The following SLC12A5 variants were observed in gnomAD, a reference collection of about 807,000 sequenced individuals.
SLC12A5 encodes K-Cl cotransporter 2.
Under a neutral mutation model 124.0 loss-of-function variants are expected in SLC12A5, and 18 were observed. The ratio of observed to expected loss-of-function variants is 0.15; its 90% CI spans 0.10 to 0.22. The LOEUF is 0.22. Ranked by LOEUF, SLC12A5 falls within the 10% of genes least tolerant of loss-of-function variation. SLC12A5 has a pLI of 1.00. For missense variants in SLC12A5, 867 were observed against 1,478.7 expected (o/e 0.59, Z 6.78); for synonymous variants, 589 against 568.0 (o/e 1.04, Z -0.53).
intron 9 of SLC12A5, 87 bp from the exon 10 acceptor site, chr20:46,043,546 C>A: frequency 7.1e-7 from 1 of 1,402,310 alleles, no homozygotes; most frequent in Admixed American, 1.7e-5. Flanking sequence ...CCCAGACTCA[C>A]TGACCCTGAG....
intron 4 of SLC12A5, chr20:46,036,475 C>G: frequency 2.5e-6 from 1 of 393,748 alleles, no homozygotes; most frequent in Non-Finnish European, 4.8e-6. Context: ...TGTCTCAGGT[C>G]AGGCAGCTGG....
chr20:46,042,584 A>T (rs887840862), intron 8 of SLC12A5, among the ~76,000 whole-genome samples: 1 of 152,136 alleles, frequency 6.6e-6, no homozygotes, highest in Non-Finnish European at 1.5e-5. Context: ...GCTGCTAAAC[A>T]TCCTACAATG....
At chr20:46,046,546 G>A (rs957666827) in intron 14 of SLC12A5, 110 bp downstream of exon 14, 1 of 884,168 alleles carries the variant, frequency 1.1e-6, no homozygotes, top group Non-Finnish European at 1.8e-6. Context: ...AACCTGAAGA[G>A]GACATCCTTT....
At position 46,043,928 on chromosome 20, in the gene SLC12A5, G is replaced by A. The variant is rs761951954; in HGVS notation, c.1389G>A (p.Arg463=). The stretch of plus-strand genomic sequence containing the variant: ...CCTGCATTGAGGGGGTCGTCCTGCG[G>A]GACAAGTAAGATAATTGGGGTTGAT... ...FGACIEGVVL[R]DKFGEAVNGN... Residue 463 remains arginine (R), a synonymous_variant, in exon 11 of 26, where the codon CGG becomes CGA. Coordinates refer to ENST00000243964, the MANE Select transcript of SLC12A5 (RefSeq NM_020708.5). The A allele has an allele frequency of 6.2e-7, 1 of 1,602,486 alleles. No individual in the cohort carries two copies. The highest frequency in any genetic ancestry group is 8.5e-7 in the Non-Finnish European group (1 of 1,174,216).
At chr20:46,046,608 C>G (rs577850774) in intron 14 of SLC12A5, among the ~76,000 whole-genome samples, 172 bp downstream of exon 14, 1 of 152,326 alleles carries the variant, frequency 6.6e-6, no homozygotes, top group South Asian at 2.1e-4. Context: ...CCGAGAGGGT[C>G]TCCTAACAAT....
chr20:46,022,116 G>A (rs1402923993), intron 1 of SLC12A5: 2 of 345,348 alleles, frequency 5.8e-6, no homozygotes, highest in Non-Finnish European at 1.0e-5. Context: ...GGCCACGAGG[G>A]AAAGGGGTGG....
At chr20:46,041,176 A>T (rs1048133851) in intron 7 of SLC12A5, 153 bp from the exon 8 acceptor site, 30 of 655,072 alleles carry the variant, frequency 4.6e-5, no homozygotes, top group Non-Finnish European at 7.2e-5. Context: ...AAAAAAAAAA[A>T]AGCCAATGGC....
rs1385126767 is a variant in SLC12A5 at position 46,053,358 on chromosome 20, T to C, written c.2548-220T>C. On this transcript the variant is annotated intron_variant, in intron 19 of 25. Transcript: ENST00000243964. This position sits in a 1 kb window ranked among gnomAD's most constrained non-coding sequence, Gnocchi z 4.7. Reference sequence around the variant, plus strand: ...AGGTGCACTGCTGTAAGGAGAGCAATGCTTAGCCCAAGCCAGTGATGCTTT... The same window carrying C: ...AGGTGCACTGCTGTAAGGAGAGCAACGCTTAGCCCAAGCCAGTGATGCTTT... 6.6e-6 allele frequency among the ~76,000 whole-genome samples: 1 copy of C among 152,222 alleles called. No homozygotes were observed. The highest frequency in any genetic ancestry group is 1.5e-5 in the Non-Finnish European group (1 of 68,044).
chr20:46,056,623 A>G lies in SLC12A5; in HGVS notation c.3110+59A>G, dbSNP rs968850864. The G allele has an allele frequency of 2.6e-6, 4 of 1,533,718 alleles. No homozygotes were observed. In the East Asian group the frequency reaches 9.1e-5, roughly 35 times the overall value. ...GGTGAGCTAAAGGGTCTTGCTCCCC[A>G]TGGCAGAGCAAGAGAGCAGAAGGCA... On this transcript the variant is annotated intron_variant, in intron 23 of 25. Coordinates refer to ENST00000243964, the MANE Select transcript of SLC12A5 (RefSeq NM_020708.5). The surrounding 1 kb of genome is among the most constrained non-coding windows in gnomAD (Gnocchi z 4.3).
Position 46,056,702 on chromosome 20 carries a change from CT to C in SLC12A5, c.3110+139del. ...TCAGACATTGTCTTGGTTTCTCCAT[CT>C]GAGGACTTAGGGGGTTGGGCCCCAT... On this transcript the variant is annotated intron_variant, in intron 23 of 25. Transcript: ENST00000243964. This position sits in a 1 kb window ranked among gnomAD's most constrained non-coding sequence, Gnocchi z 4.3. 8.7e-7 allele frequency: 1 copy of C among 1,151,512 alleles called. No homozygotes were observed. Among genetic ancestry groups the C allele is most frequent in the Non-Finnish European group, 1.2e-6 (1 of 807,782 alleles). 71.3% of individuals were successfully genotyped at this position (1,151,512 alleles called of 1,614,324 possible). A position where few individuals can be genotyped will look rare whatever the true frequency, so the allele number is the denominator to read the frequency against.
chr20:46,023,099 C>A lies in SLC12A5; in HGVS notation c.190+28C>A, dbSNP rs776131502. 1.8e-5 allele frequency: 7 copies of A among 399,518 alleles called. No homozygotes were observed. In the East Asian group the frequency reaches 2.1e-4, roughly 12 times the overall value. The allele number at this position is 399,518 out of a possible 1,614,324, so 24.7% of individuals were successfully genotyped here. ...GAGCTCGCCCCGAAGCAAACCCAAGCGCCGAAACCCCTAGAGTAACCCTTA... is the reference window on the plus strand; with the variant it reads ...GAGCTCGCCCCGAAGCAAACCCAAGAGCCGAAACCCCTAGAGTAACCCTTA... On this transcript the variant is annotated intron_variant, in intron 2 of 2. Coordinates refer to the SLC12A5 transcript ENST00000413737.
intron 1 of SLC12A5, among the ~76,000 whole-genome samples, chr20:46,033,288 G>A (rs1047086537): frequency 1.3e-5 from 2 of 152,092 alleles, no homozygotes; most frequent in African/African-American, 4.8e-5. Context: ...AGGTGCCTAG[G>A]GCCTCAATTT....
chr20:46,047,975 T>C lies in SLC12A5; in HGVS notation c.1908-6T>C. The C allele has an allele frequency of 6.2e-7, 1 of 1,605,906 alleles. No homozygotes were observed. Among genetic ancestry groups the C allele is most frequent in the Non-Finnish European group, 8.5e-7 (1 of 1,176,110 alleles). On this transcript the variant is annotated splice_polypyrimidine_tract_variant and splice_region_variant and intron_variant, in intron 15 of 25. Transcript: ENST00000243964. ...GCTCTCATGTGATCCACTTCCCGGC[T>C]CCCAGGGCAGAGAAGGAGTGGGGCG...
At chr20:46,026,114 T>C (rs1223720461), upstream of SLC12A5, among the ~76,000 whole-genome samples, 3 of 152,168 alleles carry the variant, frequency 2.0e-5, no homozygotes, top group African/African-American at 7.2e-5. Flanking sequence ...AACCTTTCCA[T>C]TTTCAGACTC....
intron 1 of SLC12A5, among the ~76,000 whole-genome samples, chr20:46,031,073 G>GAT (rs2084445569): frequency 6.6e-6 from 1 of 152,208 alleles, no homozygotes; most frequent in African/African-American, 2.4e-5. Flanking sequence ...GGGGGACTCA[G>GAT]ATGGAGAGCA....
chr20:46,055,895 T>C (rs1210301625), intron 21 of SLC12A5: 1 of 484,428 alleles, frequency 2.1e-6, no homozygotes, highest in African/African-American at 2.0e-5. Flanking sequence ...CATTGGACCA[T>C]AGTGCTAGGC....
In SLC12A5 at chr20:46,043,624, G is replaced by C; in HGVS notation, c.1238-9G>C. On this transcript the variant is annotated splice_polypyrimidine_tract_variant and intron_variant, in intron 9 of 25. Coordinates refer to ENST00000243964, the MANE Select transcript of SLC12A5 (RefSeq NM_020708.5). ...TGGCTTGAGTCCTAGCTGCACTTCT[G>C]TTTTGCAGGGATCATGGCTGGTTCT... 6.2e-7 allele frequency: 1 copy of C among 1,614,160 alleles called. No homozygotes were observed. The highest frequency in any genetic ancestry group is 1.7e-5 in the Admixed American group (1 of 60,020).
rs1012042158 is a variant in SLC12A5, at chr20:46,058,428, A to G, written c.*823A>G. On this transcript the variant is annotated 3_prime_UTR_variant, in exon 26 of 26. Coordinates refer to ENST00000243964, the MANE Select transcript of SLC12A5 (RefSeq NM_020708.5). The surrounding 1 kb of genome is among the most constrained non-coding windows in gnomAD (Gnocchi z 5.8). ...CCGAGATGAGGTGAGACAAGGGTCC[A>G]ACTTTTCCTGGATTCGCCTCCCAGC... The G allele has an allele frequency of 1.5e-5, 6 of 398,872 alleles. No homozygotes were observed. Among genetic ancestry groups the G allele is most frequent in the African/African-American group, 1.2e-4 (6 of 48,612 alleles). The allele number at this position is 398,872 out of a possible 1,614,324, so 24.7% of individuals were successfully genotyped here.
At position 46,045,866 on chromosome 20, in the gene SLC12A5, CT is replaced by C; in HGVS notation, c.1570-11del. 1 of 1,611,426 alleles carries C rather than the reference CT, an allele frequency of 6.2e-7. No individual in the cohort carries two copies. Among genetic ancestry groups the C allele is most frequent in the Non-Finnish European group, 8.5e-7 (1 of 1,177,640 alleles). ...TGAGGTCTCAGTCCCATGATGATTG[CT>C]CTTTCCCCAGGTCTTTGGCCATGGC... On this transcript the variant is annotated splice_polypyrimidine_tract_variant and intron_variant, in intron 12 of 25. Transcript: ENST00000243964. This position sits in a 1 kb window ranked among gnomAD's most constrained non-coding sequence, Gnocchi z 4.9.
Sources: gnomAD v4.1 joint callset for allele counts (sites outside exome capture counted in the v4.1 genomes callset) on GRCh38, gnomAD v4.1.1 for gene constraint, Gnocchi (gnomAD v3.1) non-coding constraint, MANE v1.5 for transcripts, NCBI Gene and HGNC (gene_info 2026-07-23, HGNC 2026-07-21) for gene names.